The following QTMAN variants were observed in gnomAD, a reference collection of about 807,000 sequenced individuals.
QTMAN encodes queuosine-tRNA mannosyltransferase.
At chr2:144,147,019 T>C in the QTMAN span, among the ~76,000 whole-genome samples, 4 of 151,886 alleles carry the variant, frequency 2.6e-5, no homozygotes, top group African/African-American at 9.7e-5. Context: ...TCCTTGTTAT[T>C]ACCATGATTA....
chr2:144,224,227 G>A, the QTMAN span, among the ~76,000 whole-genome samples: 4 of 152,146 alleles, frequency 2.6e-5, no homozygotes, highest in African/African-American at 9.7e-5. Flanking sequence ...TATTTTCTGA[G>A]AGAAATATTA....
the QTMAN span, among the ~76,000 whole-genome samples, chr2:144,104,214 A>T: frequency 1.3e-5 from 2 of 152,152 alleles, no homozygotes; most frequent in East Asian, 3.9e-4. Context: ...TGCATTTCCA[A>T]CTGAGGTACT....
the QTMAN span, among the ~76,000 whole-genome samples, chr2:144,092,148 C>T: frequency 2.0e-5 from 3 of 151,408 alleles, no homozygotes; most frequent in Non-Finnish European, 4.4e-5. Context: ...CAGGTGTATA[C>T]ATACGTCAAC....
At chr2:143,982,713 T>C in the QTMAN span, among the ~76,000 whole-genome samples, 1 of 151,542 alleles carries the variant, frequency 6.6e-6, no homozygotes, top group Non-Finnish European at 1.5e-5. Context: ...ATATAAAAAT[T>C]AGCTGGGCAT....
chr2:144,116,489 A>G, the QTMAN span, among the ~76,000 whole-genome samples: 2 of 152,128 alleles, frequency 1.3e-5, no homozygotes, highest in Non-Finnish European at 2.9e-5. Context: ...TGCACATCTT[A>G]AAATGTGGGG....
chr2:144,112,794 G>A, the QTMAN span, among the ~76,000 whole-genome samples: 4 of 152,208 alleles, frequency 2.6e-5, no homozygotes, highest in Admixed American at 6.5e-5. Flanking sequence ...TCCAGTGGGC[G>A]ATGTCAGAGA....
the QTMAN span, among the ~76,000 whole-genome samples, chr2:144,020,903 CTA>C: frequency 7.2e-6 from 1 of 139,216 alleles, no homozygotes; most frequent in East Asian, 2.2e-4. Flanking sequence ...AAAAATATAA[CTA>C]AAAAAAAAAT....
At chr2:144,157,429 C>T in the QTMAN span, among the ~76,000 whole-genome samples, 1 of 152,008 alleles carries the variant, frequency 6.6e-6, no homozygotes, top group Non-Finnish European at 1.5e-5. Flanking sequence ...GGAGGCTTCC[C>T]TTCTGACTCA....
chr2:144,216,919 G>C, the QTMAN span, among the ~76,000 whole-genome samples: 3 of 152,274 alleles, frequency 2.0e-5, no homozygotes, highest in Non-Finnish European at 4.4e-5. Context: ...TCAATCTAGA[G>C]AGCCCATTCC....
chr2:144,100,963 G>A, the QTMAN span, among the ~76,000 whole-genome samples: 7 of 141,448 alleles, frequency 4.9e-5, no homozygotes, highest in East Asian at 2.2e-4. Context: ...TCCGCCTCCC[G>A]GGTTGATGCC....
chr2:144,050,001 T>A, the QTMAN span, among the ~76,000 whole-genome samples: 1 of 152,212 alleles, frequency 6.6e-6, no homozygotes, highest in African/African-American at 2.4e-5. Flanking sequence ...AATTTCTGTC[T>A]TCCGGAAGCC....
At chr2:144,130,978 TAAAG>T in the QTMAN span, among the ~76,000 whole-genome samples, 513 of 152,016 alleles carry the variant, frequency 3.4e-3, 2 homozygotes, top group African/African-American at 0.012. Context: ...TACCCAGAAA[TAAAG>T]AGTTGAAAAG....
At chr2:144,132,168 T>C in the QTMAN span, among the ~76,000 whole-genome samples, 1 of 151,922 alleles carries the variant, frequency 6.6e-6, no homozygotes, top group South Asian at 2.1e-4. Flanking sequence ...ATTTAGCACA[T>C]AAATAACAAA....
At chr2:143,961,922 G>C in the QTMAN span, among the ~76,000 whole-genome samples, 2 of 152,068 alleles carry the variant, frequency 1.3e-5, no homozygotes, top group African/African-American at 2.4e-5. Context: ...GGAGGGAAGG[G>C]TATCAGCCCA....
At chr2:144,134,066 T>C in the QTMAN span, among the ~76,000 whole-genome samples, 2 of 152,184 alleles carry the variant, frequency 1.3e-5, no homozygotes, top group African/African-American at 4.8e-5. Context: ...GAACTCTTGA[T>C]GGCAGAAAAC....
At chr2:144,092,907 G>A in the QTMAN span, among the ~76,000 whole-genome samples, 2 of 151,348 alleles carry the variant, frequency 1.3e-5, no homozygotes, top group Non-Finnish European at 1.5e-5. Flanking sequence ...GTGTGTGTGT[G>A]TGTAGGAAAC....
chr2:144,205,413 C>T, the QTMAN span, among the ~76,000 whole-genome samples: 1 of 152,196 alleles, frequency 6.6e-6, no homozygotes, highest in Non-Finnish European at 1.5e-5. Context: ...AAGTCACCCA[C>T]TTAACTCTAA....
At chr2:144,191,592 C>A in the QTMAN span, among the ~76,000 whole-genome samples, 1 of 152,074 alleles carries the variant, frequency 6.6e-6, no homozygotes, top group Non-Finnish European at 1.5e-5. Flanking sequence ...TTAGTATAAT[C>A]ATTATTTATT....
chr2:144,198,668 G>C, the QTMAN span, among the ~76,000 whole-genome samples: 2 of 152,122 alleles, frequency 1.3e-5, no homozygotes, highest in Non-Finnish European at 1.5e-5. Context: ...TTGCTTTCAT[G>C]TTTATGTGAT....
Sources: allele counts gnomAD v4.1 joint callset (sites outside exome capture counted in the v4.1 genomes callset), GRCh38; gene constraint gnomAD v4.1.1; transcripts MANE v1.5; gene names NCBI Gene and HGNC (gene_info 2026-07-23, HGNC 2026-07-21).